Variants in KIF26B observed in about 807,000 individuals in gnomAD.
KIF26B encodes the protein kinesin-like protein KIF26B.
A neutral mutation model predicts 151.2 loss-of-function variants in KIF26B; 63 were observed. That is an observed-to-expected ratio of 0.42 (90% CI 0.34 to 0.51). The LOEUF is 0.51. KIF26B is among the 20% of genes least tolerant of loss of function. KIF26B has a pLI of 0.07. For missense variants in KIF26B, 2,813 were observed against 2,913.6 expected, an observed-to-expected ratio of 0.97 and a Z score of 0.79; for synonymous variants, 1,357 against 1,262.1, an observed-to-expected ratio of 1.08 and a Z score of -1.59.
At chr1:245,571,371 G>C (rs948932941) in intron 5 of KIF26B, among the ~76,000 whole-genome samples, 1 of 152,164 alleles carries the variant, frequency 6.6e-6, no homozygotes, top group Non-Finnish European at 1.5e-5. Context: ...GCTCTGAAGA[G>C]TTATTTGGTC....
chr1:245,678,955 C>G (rs936400478), intron 10 of KIF26B, among the ~76,000 whole-genome samples: 4 of 151,976 alleles, frequency 2.6e-5, no homozygotes, highest in African/African-American at 9.7e-5. Context: ...GCCTACAGTT[C>G]ATGTGCCTGT....
At chr1:245,443,737 C>T (rs1385100233) in intron 4 of KIF26B, among the ~76,000 whole-genome samples, 2 of 111,150 alleles carry the variant, frequency 1.8e-5, no homozygotes, top group African/African-American at 3.2e-5. Context: ...TCATCTCCCT[C>T]ACTGTTCATC....
rs895803318 is a variant in KIF26B, at chr1:245,521,261, C to T, written c.1167-19506C>T. On this transcript the variant is annotated intron_variant, in intron 4 of 14. Transcript: ENST00000407071. ...CTGAGGCAGGAGAATGGCGTGAACC[C>T]GGGAGGCGGAGCTTGCAGTGAGCCG... Among the ~76,000 whole-genome samples, 14 of 151,538 alleles carry T rather than the reference C, an allele frequency of 9.2e-5. No individual in the cohort carries two copies. The South Asian group carries it at 1.5e-3, about 16-fold the overall frequency.
intron 3 of KIF26B, among the ~76,000 whole-genome samples, chr1:245,418,582 A>G (rs1188172244): frequency 1.3e-5 from 2 of 152,168 alleles, no homozygotes; most frequent in Non-Finnish European, 1.5e-5. Context: ...TCTTTGCTTT[A>G]TTGCACTTGT....
chr1:245,168,102 G>T (rs559593405), intron 2 of KIF26B, among the ~76,000 whole-genome samples: 1 of 152,198 alleles, frequency 6.6e-6, no homozygotes. Context: ...TAGTCGGTGG[G>T]CTCTAAGCTT....
rs1253638046 is a variant in KIF26B, at chr1:245,576,405, G to A, written c.1351-26172G>A. Among the ~76,000 whole-genome samples the A allele has an allele frequency of 3.3e-5, 5 of 152,280 alleles. No homozygotes were observed. The South Asian group carries it at 8.3e-4, about 25-fold the overall frequency. On this transcript the variant is annotated intron_variant, in intron 5 of 14. Transcript: ENST00000407071. ...ATATTTGCTATCAGTTGTGTTTGTGGAGGTGTAGTGAATTTTTCAGGGATG... is the reference window on the plus strand; with the variant it reads ...ATATTTGCTATCAGTTGTGTTTGTGAAGGTGTAGTGAATTTTTCAGGGATG...
At chr1:245,457,421 G>C (rs1659560319) in intron 4 of KIF26B, among the ~76,000 whole-genome samples, 1 of 152,070 alleles carries the variant, frequency 6.6e-6, no homozygotes, top group African/African-American at 2.4e-5. Flanking sequence ...ACAGCTCAGA[G>C]GTATTTTTCA....
chr1:245,203,246 C>CAAAAAAAAAAAAAAAAA (rs562600864), intron 2 of KIF26B, among the ~76,000 whole-genome samples: 18 of 29,488 alleles, frequency 6.1e-4, no homozygotes, highest in South Asian at 1.1e-3. Context: ...GACTCTGTCT[C>CAAAAAAAAAAAAAAAAA]AAAAAAAAAA....
intron 3 of KIF26B, among the ~76,000 whole-genome samples, chr1:245,387,530 CT>C (rs1673581052): frequency 6.6e-6 from 1 of 152,058 alleles, no homozygotes; most frequent in African/African-American, 2.4e-5. Flanking sequence ...AAGAACCTGA[CT>C]ATCAAAAACA....
intron 2 of KIF26B, among the ~76,000 whole-genome samples, chr1:245,255,814 A>G (rs1670522932): frequency 6.6e-6 from 1 of 152,224 alleles, no homozygotes; most frequent in South Asian, 2.1e-4. Flanking sequence ...CCCTTTAACA[A>G]GATGGTACCA....
intron 4 of KIF26B, among the ~76,000 whole-genome samples, chr1:245,532,294 G>A (rs1661385491): frequency 1.5e-5 from 2 of 135,038 alleles, no homozygotes; most frequent in African/African-American, 5.6e-5. Context: ...CGCCCAGGCT[G>A]GAGTGCAGTG....
intron 2 of KIF26B, among the ~76,000 whole-genome samples, chr1:245,305,511 A>C (rs1228656322): frequency 1.3e-5 from 2 of 152,252 alleles, no homozygotes; most frequent in Admixed American, 6.5e-5. Flanking sequence ...AGCATTAGCT[A>C]TCAGGGAAAC....
rs2044382137 is a variant in KIF26B, at chr1:245,678,375, G to T, written c.2259-5858G>T. Among the ~76,000 whole-genome samples the T allele has an allele frequency of 1.3e-5, 2 of 152,112 alleles. 1 individual carries two copies. The highest frequency in any genetic ancestry group is 1.3e-4 in the Admixed American group (2 of 15,276). On this transcript the variant is annotated intron_variant, in intron 10 of 14. Coordinates refer to ENST00000407071, the MANE Select transcript of KIF26B (RefSeq NM_018012.4). ...TACGACGCGTTCTGGCACGTTGCAG[G>T]TGAAGTGGGTAGAGCGTGGGATGGT...
intron 2 of KIF26B, among the ~76,000 whole-genome samples, chr1:245,172,021 G>T (rs997418005): frequency 6.6e-6 from 1 of 152,186 alleles, no homozygotes; most frequent in Non-Finnish European, 1.5e-5. Context: ...CCTGACTCCA[G>T]GGTTCATTCC....
At chr1:245,155,741 C>T (rs148263191) in intron 1 of KIF26B, among the ~76,000 whole-genome samples, 3 of 152,346 alleles carry the variant, frequency 2.0e-5, no homozygotes, top group Non-Finnish European at 4.4e-5. Context: ...CGCATTCCTG[C>T]ACTTCTAGGC....
At chr1:245,672,575 A>ACCTGTCTG (rs1165641558) in intron 10 of KIF26B, among the ~76,000 whole-genome samples, 1 of 152,156 alleles carries the variant, frequency 6.6e-6, no homozygotes, top group Non-Finnish European at 1.5e-5. Flanking sequence ...GCAAGGTTAC[A>ACCTGTCTG]CCTGTCTGCC....
intron 10 of KIF26B, among the ~76,000 whole-genome samples, chr1:245,648,793 G>T (rs1458302722): frequency 1.3e-5 from 2 of 152,172 alleles, no homozygotes; most frequent in African/African-American, 4.8e-5. Context: ...CATTCCAGGA[G>T]TCCCCTTCCT....
intron 10 of KIF26B, among the ~76,000 whole-genome samples, chr1:245,678,197 G>A (rs1482540035): frequency 1.3e-5 from 2 of 152,038 alleles, no homozygotes; most frequent in African/African-American, 4.8e-5. Context: ...TCCCCCTCTG[G>A]TGTTGCTTCC....
chr1:245,430,498 CTGG>C (rs1658750957), intron 4 of KIF26B, among the ~76,000 whole-genome samples: 1 of 151,886 alleles, frequency 6.6e-6, no homozygotes, highest in East Asian at 1.9e-4. Context: ...GACCCTGTAT[CTGG>C]AGAAAAATTT....
Sources: gnomAD v4.1 joint callset for allele counts (sites outside exome capture counted in the v4.1 genomes callset) on GRCh38, gnomAD v4.1.1 for gene constraint, MANE v1.5 for transcripts, NCBI Gene and HGNC (gene_info 2026-07-23, HGNC 2026-07-21) for gene names.